The following TMEM132C variants were observed in gnomAD, a reference collection of about 807,000 sequenced individuals.
TMEM132C encodes the protein protein phosphatase 1, regulatory subunit 152.
TMEM132C carries 29 observed loss-of-function variants against 61.4 expected under a neutral mutation model. That is an observed-to-expected ratio of 0.47 (90% CI 0.35 to 0.64). TMEM132C has a LOEUF of 0.64. TMEM132C is among the 30% of genes least tolerant of loss of function. The probability of loss-of-function intolerance (pLI) is 0.00; values close to 1 mark genes in which losing one functional copy is unlikely to be tolerated. For synonymous variants in TMEM132C, 656 were observed against 633.1 expected (o/e 1.04, Z -0.54); for missense variants, 1,408 against 1,476.9 (o/e 0.95, Z 0.76).
intron 3 of TMEM132C, among the ~76,000 whole-genome samples, chr12:128,555,791 T>G (rs1242985638): frequency 6.6e-6 from 1 of 151,942 alleles, no homozygotes; most frequent in Middle Eastern, 3.2e-3. Flanking sequence ...CATGGCTCAC[T>G]GCAGCCTCGA....
rs532859933 is a variant in TMEM132C, at chr12:128,546,543, T to C, written c.1121+2440T>C. Among the ~76,000 whole-genome samples the C allele has an allele frequency of 6.6e-5, 10 of 152,208 alleles. No homozygotes were observed. In the South Asian group the frequency reaches 1.5e-3, roughly 22 times the overall value. ...GTGTTTGCTGTCTCAGTGGTAAGCA[T>C]TGTGCATGAGTTTCCACAGTCAGCC... On this transcript the variant is annotated intron_variant, in intron 3 of 8. Coordinates refer to ENST00000435159, the MANE Select transcript of TMEM132C (RefSeq NM_001136103.3).
intron 1 of TMEM132C, among the ~76,000 whole-genome samples, chr12:128,398,490 T>C (rs1875039529): frequency 6.6e-6 from 1 of 152,236 alleles, no homozygotes; most frequent in African/African-American, 2.4e-5. Flanking sequence ...CCCTCAGACC[T>C]TGTTATGATG....
intron 4 of TMEM132C, among the ~76,000 whole-genome samples, chr12:128,663,987 CGCG>C (rs1334576125): frequency 1.4e-5 from 2 of 146,430 alleles, no homozygotes; most frequent in Non-Finnish European, 3.0e-5. Context: ...CACGCACGCA[CGCG>C]GGCACTCACA....
intron 4 of TMEM132C, among the ~76,000 whole-genome samples, chr12:128,631,584 C>T (rs939611266): frequency 4.2e-4 from 64 of 152,220 alleles, no homozygotes; most frequent in African/African-American, 1.5e-3. Context: ...CCTGGTGTTT[C>T]ATCAGCACAA....
chr12:128,407,170 G>A (rs184345333), intron 1 of TMEM132C, among the ~76,000 whole-genome samples: 3 of 152,264 alleles, frequency 2.0e-5, no homozygotes, highest in Non-Finnish European at 4.4e-5. Context: ...TTTTTGTGCT[G>A]TTCTCATGAT....
chr12:128,666,229 GCACA>G (rs1458882063), intron 4 of TMEM132C, among the ~76,000 whole-genome samples: 1 of 120,064 alleles, frequency 8.3e-6, no homozygotes, highest in African/African-American at 3.2e-5. Flanking sequence ...ACACACACAG[GCACA>G]CACACATTCA....
chr12:128,588,961 T>G (rs1346771326), intron 3 of TMEM132C, among the ~76,000 whole-genome samples: 9 of 152,176 alleles, frequency 5.9e-5, no homozygotes, highest in Non-Finnish European at 1.2e-4. Context: ...ATGCCGCTGC[T>G]GATTTTATGA....
At position 128,326,484 on chromosome 12, in the gene TMEM132C, T is replaced by C. The variant is rs771571151; in HGVS notation, c.85+58997T>C. Among the ~76,000 whole-genome samples, 6 of 152,224 alleles carry C rather than the reference T, an allele frequency of 3.9e-5. No individual in the cohort carries two copies. Among genetic ancestry groups the C allele is most frequent in the Non-Finnish European group, 8.8e-5 (6 of 68,036 alleles). ...GCAGATGTACAAATCATCCTGGTTC[T>C]CCAGAGGGGTCTTGGTTTTCCATCC... On this transcript the variant is annotated intron_variant, in intron 1 of 8. Coordinates refer to ENST00000435159, the MANE Select transcript of TMEM132C (RefSeq NM_001136103.3). The surrounding 1 kb of genome is among the most constrained non-coding windows in gnomAD (Gnocchi z 5.6).
At chr12:128,633,850 CAA>C (rs748235186) in intron 4 of TMEM132C, among the ~76,000 whole-genome samples, 2 of 151,704 alleles carry the variant, frequency 1.3e-5, no homozygotes, top group African/African-American at 2.4e-5. Context: ...ACCCCACCAC[CAA>C]AAAAAATCAT....
chr12:128,644,957 C>T (rs1326591911), intron 4 of TMEM132C, among the ~76,000 whole-genome samples: 1 of 152,124 alleles, frequency 6.6e-6, no homozygotes, highest in East Asian at 1.9e-4. Flanking sequence ...GGCTTTCAAC[C>T]TGTGGTTAGG....
At chr12:128,432,205 C>T (rs191209236) in intron 2 of TMEM132C, among the ~76,000 whole-genome samples, 50 of 152,326 alleles carry the variant, frequency 3.3e-4, no homozygotes, top group African/African-American at 8.4e-4. Context: ...TACCTGCTAA[C>T]GTAACATCCA....
At chr12:128,560,709 G>T (rs1406641210) in intron 3 of TMEM132C, among the ~76,000 whole-genome samples, 1 of 152,188 alleles carries the variant, frequency 6.6e-6, no homozygotes, top group Non-Finnish European at 1.5e-5. Context: ...TGTGTTTAGG[G>T]CTTAACTCAG....
At chr12:128,380,938 A>G (rs75251338) in intron 1 of TMEM132C, among the ~76,000 whole-genome samples, 2,095 of 152,330 alleles carry the variant, frequency 0.014, 53 homozygotes, top group African/African-American at 0.048. Flanking sequence ...TCATGCCTGA[A>G]GGAAGCTGAT....
At chr12:128,270,596 A>C (rs1418199784) in intron 1 of TMEM132C, among the ~76,000 whole-genome samples, 1 of 152,170 alleles carries the variant, frequency 6.6e-6, no homozygotes, top group Non-Finnish European at 1.5e-5. Flanking sequence ...TCCTCCTAGG[A>C]TGTCATCAGG....
At chr12:128,458,631 G>A (rs1045978077) in intron 2 of TMEM132C, among the ~76,000 whole-genome samples, 15 of 152,288 alleles carry the variant, frequency 9.8e-5, no homozygotes, top group African/African-American at 2.2e-4. Context: ...CATAAAAGCC[G>A]TGGTGCACCA....
intron 2 of TMEM132C, among the ~76,000 whole-genome samples, chr12:128,452,940 T>C (rs1378146990): frequency 6.6e-6 from 1 of 152,180 alleles, no homozygotes; most frequent in African/African-American, 2.4e-5. Context: ...ATGTGTAAGT[T>C]AGAAAGGCAC....
intron 4 of TMEM132C, among the ~76,000 whole-genome samples, chr12:128,658,641 T>C (rs1954355129): frequency 6.6e-6 from 1 of 152,230 alleles, no homozygotes; most frequent in African/African-American, 2.4e-5. Flanking sequence ...GTCACCTTCC[T>C]TGAGCTAAAA....
intron 2 of TMEM132C, among the ~76,000 whole-genome samples, chr12:128,458,905 G>C (rs976713914): frequency 2.0e-5 from 3 of 152,338 alleles, no homozygotes; most frequent in East Asian, 3.9e-4. Flanking sequence ...GTCTGCAAGG[G>C]AGGCTGGGGA....
intron 5 of TMEM132C, among the ~76,000 whole-genome samples, chr12:128,672,846 G>T (rs1480136299): frequency 6.6e-6 from 1 of 152,182 alleles, no homozygotes; most frequent in Non-Finnish European, 1.5e-5. Context: ...AGGCAGTTCA[G>T]AGTTCTGTCA....
Sources: gnomAD v4.1 joint callset for allele counts (sites outside exome capture counted in the v4.1 genomes callset) on GRCh38, gnomAD v4.1.1 for gene constraint, Gnocchi (gnomAD v3.1) non-coding constraint, MANE v1.5 for transcripts, NCBI Gene and HGNC (gene_info 2026-07-23, HGNC 2026-07-21) for gene names.